THSD4: variants seen among roughly 807,000 people sequenced by gnomAD.
THSD4 encodes the protein thrombospondin type 1 domain containing 4.
Under a neutral mutation model 119.0 loss-of-function variants are expected in THSD4, and 69 were observed. The observed-to-expected ratio is 0.58, with a 90% CI of 0.48 to 0.71. The LOEUF is 0.71. THSD4 is among the 30% of genes least tolerant of loss of function. THSD4 has a pLI of 0.00. For synonymous variants in THSD4, 524 were observed against 540.4 expected, an observed-to-expected ratio of 0.97 and a Z score of 0.42; for missense variants, 1,393 against 1,391.1, an observed-to-expected ratio of 1.00 and a Z score of -0.02.
chr15:71,271,234 C>T (rs1331239302), intron 6 of THSD4, among the ~76,000 whole-genome samples: 1 of 152,140 alleles, frequency 6.6e-6, no homozygotes, highest in East Asian at 1.9e-4. Flanking sequence ...TATCCATCAA[C>T]AGGAGACTGA....
rs1271521915 is a variant in THSD4, at chr15:71,361,574, G to T, written c.1016-50113G>T. Among the ~76,000 whole-genome samples the T allele has an allele frequency of 2.0e-5, 3 of 152,178 alleles. No homozygotes were observed. In the East Asian group the frequency reaches 5.8e-4, roughly 29 times the overall value. On this transcript the variant is annotated intron_variant, in intron 6 of 17. Coordinates refer to ENST00000261862, the MANE Select transcript of THSD4 (RefSeq NM_024817.3). Reference sequence around the variant, plus strand: ...GAAGTGTAATTTGGGGAACTTCTCTGTGGAAAGCAATTTGGTAATAACCAT... The same window carrying T: ...GAAGTGTAATTTGGGGAACTTCTCTTTGGAAAGCAATTTGGTAATAACCAT...
At chr15:71,552,754 C>A (rs1229190610) in intron 7 of THSD4, among the ~76,000 whole-genome samples, 3 of 152,206 alleles carry the variant, frequency 2.0e-5, no homozygotes, top group Non-Finnish European at 4.4e-5. Context: ...TCAAGAGATT[C>A]TTCGGCTTCA....
intron 4 of THSD4, among the ~76,000 whole-genome samples, chr15:71,218,695 G>C (rs902830670): frequency 3.3e-5 from 5 of 152,278 alleles, no homozygotes; most frequent in Middle Eastern, 3.4e-3. Context: ...TTAGGTACTT[G>C]CATAGTATAT....
intron 7 of THSD4, among the ~76,000 whole-genome samples, chr15:71,598,838 G>T (rs996421542): frequency 2.0e-5 from 3 of 151,854 alleles, no homozygotes; most frequent in Admixed American, 6.6e-5. Context: ...GGCTGGTCTC[G>T]AACTCCTGGG....
At chr15:71,629,340 G>A (rs1481517664) in intron 7 of THSD4, among the ~76,000 whole-genome samples, 4 of 152,108 alleles carry the variant, frequency 2.6e-5, no homozygotes, top group Non-Finnish European at 4.4e-5. Context: ...GGGGCAGGGC[G>A]GCCAGACAGT....
At chr15:71,546,521 T>C (rs2048840184) in intron 7 of THSD4, among the ~76,000 whole-genome samples, 1 of 152,238 alleles carries the variant, frequency 6.6e-6, no homozygotes, top group Admixed American at 6.5e-5. Flanking sequence ...CTCTTATTTC[T>C]TTAAAACCAT....
At chr15:71,506,542 CT>C (rs1286748894) in intron 7 of THSD4, among the ~76,000 whole-genome samples, 2 of 152,222 alleles carry the variant, frequency 1.3e-5, no homozygotes, top group African/African-American at 4.8e-5. Context: ...CTTTAGTCCC[CT>C]CCAGCACAAG....
Position 71,541,074 on chromosome 15 carries a change from A to G in THSD4, c.1153-119456A>G, listed in dbSNP as rs142679411. On this transcript the variant is annotated intron_variant, in intron 7 of 17. Coordinates refer to ENST00000261862, the MANE Select transcript of THSD4 (RefSeq NM_024817.3). The stretch of plus-strand genomic sequence containing the variant: ...ATACATTCACATGTTTGACAGTTCA[A>G]TAAGTATGAAAGGGTATATAGAAAT... 1.4e-3 allele frequency among the ~76,000 whole-genome samples: 208 copies of G among 152,332 alleles called. 1 individual carries two copies. The highest frequency in any genetic ancestry group is 4.9e-3 in the African/African-American group (202 of 41,564).
At chr15:71,136,061 C>T (rs1181519323) in intron 1 of THSD4, among the ~76,000 whole-genome samples, 5 of 143,974 alleles carry the variant, frequency 3.5e-5, no homozygotes, top group African/African-American at 1.4e-4. Context: ...ATCATCTTTC[C>T]CCAAACCCCG....
intron 7 of THSD4, among the ~76,000 whole-genome samples, chr15:71,565,414 T>C (rs911902521): frequency 5.9e-5 from 9 of 152,182 alleles, no homozygotes; most frequent in Middle Eastern, 3.2e-3. Flanking sequence ...CCATCATCTC[T>C]CCTATTCCAG....
At chr15:71,296,971 A>G (rs541248621) in intron 6 of THSD4, among the ~76,000 whole-genome samples, 1 of 152,182 alleles carries the variant, frequency 6.6e-6, no homozygotes, top group Non-Finnish European at 1.5e-5. Flanking sequence ...AATGGACCTC[A>G]GTGCTCTTTT....
intron 7 of THSD4, among the ~76,000 whole-genome samples, chr15:71,596,443 C>G (rs4238441): frequency 1.3e-5 from 2 of 152,172 alleles, no homozygotes; most frequent in Non-Finnish European, 1.5e-5. Flanking sequence ...GCATCAGTGC[C>G]TCATCTTCCA....
intron 6 of THSD4, among the ~76,000 whole-genome samples, chr15:71,283,325 A>C (rs900046343): frequency 6.6e-6 from 1 of 152,176 alleles, no homozygotes; most frequent in African/African-American, 2.4e-5. Flanking sequence ...TCATATGGCC[A>C]ATGAGACTAA....
At chr15:71,739,609 CTATGAACTGTGTAGT>C in intron 11 of THSD4, among the ~76,000 whole-genome samples, 1 of 152,134 alleles carries the variant, frequency 6.6e-6, no homozygotes. Flanking sequence ...AAAGATACAC[CTATGAACTGTGTAGT>C]TATAATTTCC....
chr15:71,318,183 G>A (rs964840086), intron 6 of THSD4, among the ~76,000 whole-genome samples: 1 of 152,144 alleles, frequency 6.6e-6, no homozygotes, highest in Non-Finnish European at 1.5e-5. Flanking sequence ...CTTCCCAGGA[G>A]GCATGCCATG....
intron 6 of THSD4, among the ~76,000 whole-genome samples, chr15:71,350,291 A>G (rs1435685608): frequency 2.6e-5 from 4 of 152,186 alleles, no homozygotes; most frequent in African/African-American, 7.2e-5. Context: ...TTCAGCATAT[A>G]ACAAGAAAGG....
chr15:71,604,772 C>T (rs1354351509), intron 7 of THSD4, among the ~76,000 whole-genome samples: 1 of 151,512 alleles, frequency 6.6e-6, no homozygotes, highest in Non-Finnish European at 1.5e-5. Context: ...ATATGCAAGC[C>T]AGAAGACTGT....
At chr15:71,254,073 A>C (rs925642324) in intron 5 of THSD4, among the ~76,000 whole-genome samples, 1 of 152,214 alleles carries the variant, frequency 6.6e-6, no homozygotes, top group Admixed American at 6.5e-5. Context: ...CAGTTCTGGT[A>C]ACTGCCACCA....
At chr15:71,519,967 G>A (rs975823504) in intron 7 of THSD4, among the ~76,000 whole-genome samples, 1 of 152,146 alleles carries the variant, frequency 6.6e-6, no homozygotes, top group African/African-American at 2.4e-5. Context: ...TTGCTGCAGC[G>A]GCAGTGGTGG....
Sources: allele counts gnomAD v4.1 joint callset (sites outside exome capture counted in the v4.1 genomes callset), GRCh38; gene constraint gnomAD v4.1.1; transcripts MANE v1.5; gene names NCBI Gene and HGNC (gene_info 2026-07-23, HGNC 2026-07-21).